Variants in HMCN1 observed in about 807,000 individuals in gnomAD.
The protein encoded by HMCN1 is hemicentin 1.
In HMCN1, 321 loss-of-function variants were observed where a neutral mutation model predicts 625.9. That is an observed-to-expected ratio of 0.51 (90% CI 0.47 to 0.56). HMCN1 has a LOEUF of 0.56. HMCN1 is among the 20% of genes least tolerant of loss of function. The probability of loss-of-function intolerance (pLI) is 0.00; values close to 1 mark genes in which losing one functional copy is unlikely to be tolerated. For synonymous variants in HMCN1, 2,425 were observed against 2,417.6 expected (o/e 1.00, Z -0.09); for missense variants, 6,588 against 6,887.3 (o/e 0.96, Z 1.54).
rs1651891255 is a variant in HMCN1, at chr1:186,166,535, A to T, written c.15439+232A>T. On this transcript the variant is annotated intron_variant, in intron 99 of 106. Transcript: ENST00000271588. ...GAATGCCTGGAGCATCTCACTCAAG[A>T]TCTCAGAAAGGAGAAGTAACTTCTT... is the stretch of plus-strand genomic sequence containing the variant. 2.6e-5 allele frequency among the ~76,000 whole-genome samples: 4 copies of T among 152,214 alleles called. No individual in the cohort carries two copies. The South Asian group carries it at 8.3e-4, about 32-fold the overall frequency.
chr1:186,172,251 C>G (rs1652280595), intron 102 of HMCN1, 120 bp downstream of exon 102: 1 of 1,354,030 alleles, frequency 7.4e-7, no homozygotes, highest in African/African-American at 1.5e-5. Flanking sequence ...CTTTCTTTTT[C>G]CATAAGTACT....
chr1:185,956,083 C>T (rs1649606360), intron 11 of HMCN1, among the ~76,000 whole-genome samples: 1 of 152,146 alleles, frequency 6.6e-6, no homozygotes, highest in Non-Finnish European at 1.5e-5. Context: ...CATTATTAAT[C>T]ATATTATATA....
At chr1:185,737,047 A>G (rs796193027) in intron 1 of HMCN1, among the ~76,000 whole-genome samples, 5 of 152,264 alleles carry the variant, frequency 3.3e-5, no homozygotes, top group African/African-American at 1.2e-4. Flanking sequence ...TAACTTTAGT[A>G]TTCACTTTAC....
chr1:185,914,383 C>A (rs1315647470), intron 6 of HMCN1, among the ~76,000 whole-genome samples: 1 of 152,086 alleles, frequency 6.6e-6, no homozygotes, highest in Non-Finnish European at 1.5e-5. Flanking sequence ...AAGGTCTGCT[C>A]TATCACTGAA....
chr1:185,810,760 G>C (rs1370414476), intron 1 of HMCN1, among the ~76,000 whole-genome samples: 1 of 151,516 alleles, frequency 6.6e-6, no homozygotes, highest in South Asian at 2.1e-4. Context: ...TAAGTGCCTG[G>C]AAAATAAAAG....
At chr1:186,182,369 A>G (rs1652991410) in intron 105 of HMCN1, 82 bp downstream of exon 105, 1 of 1,516,474 alleles carries the variant, frequency 6.6e-7, no homozygotes, top group Non-Finnish European at 9.1e-7. Flanking sequence ...TTCAATAATC[A>G]TTCTCCTAGT....
In HMCN1 at chr1:185,755,300, C is replaced by T. The variant is rs115272702; in HGVS notation, c.268+20253C>T. On this transcript the variant is annotated intron_variant, in intron 1 of 106. Transcript: ENST00000271588. ...ATATTTATACATTTTTGTTATTGCA[C>T]GGTAATATCTTTCTTAATCCAAGTG... is the stretch of plus-strand genomic sequence containing the variant. Among the ~76,000 whole-genome samples the T allele has an allele frequency of 9.1e-3, 1,385 of 152,204 alleles. 14 individuals are homozygous for T. The highest frequency in any genetic ancestry group is 0.027 in the Middle Eastern group (8 of 294).
intron 36 of HMCN1, among the ~76,000 whole-genome samples, chr1:186,037,599 T>A (rs1347056862): frequency 6.6e-6 from 1 of 152,188 alleles, no homozygotes; most frequent in Non-Finnish European, 1.5e-5. Flanking sequence ...AGTAGACTAA[T>A]TACTTCTTGG....
At chr1:185,870,647 G>A (rs1243641996) in intron 4 of HMCN1, among the ~76,000 whole-genome samples, 1 of 152,090 alleles carries the variant, frequency 6.6e-6, no homozygotes, top group African/African-American at 2.4e-5. Flanking sequence ...TATGAAATAA[G>A]CACATTATGG....
At chr1:185,772,302 C>A (rs905448846) in intron 1 of HMCN1, among the ~76,000 whole-genome samples, 2 of 152,046 alleles carry the variant, frequency 1.3e-5, no homozygotes, top group African/African-American at 4.8e-5. Flanking sequence ...AAAGATAACT[C>A]TCAAAACTGG....
At chr1:185,967,606 A>G (rs1370466539) in intron 14 of HMCN1, among the ~76,000 whole-genome samples, 2 of 152,094 alleles carry the variant, frequency 1.3e-5, no homozygotes, top group East Asian at 1.9e-4. Flanking sequence ...ATTTATGCAT[A>G]AACAGAGTAG....
chr1:186,137,475 A>G, intron 87 of HMCN1, 23 bp from the exon 88 acceptor site: 1 of 1,610,726 alleles, frequency 6.2e-7, no homozygotes, highest in African/African-American at 1.3e-5. Context: ...AAGCTTAGAC[A>G]AAGTACAATG....
chr1:186,081,126 T>C (rs1297252450), intron 55 of HMCN1, 81 bp from the exon 56 acceptor site: 24 of 1,208,648 alleles, frequency 2.0e-5, no homozygotes, highest in Non-Finnish European at 2.8e-5. Context: ...TATCCCAAAG[T>C]TTTTAAAGCT....
chr1:186,127,839 T>G (rs982302444), intron 82 of HMCN1, among the ~76,000 whole-genome samples: 1 of 152,190 alleles, frequency 6.6e-6, no homozygotes, highest in African/African-American at 2.4e-5. Context: ...TACAGTTTTC[T>G]GAAATCTTAC....
At chr1:185,999,970 C>T in intron 25 of HMCN1, 75 bp from the exon 26 acceptor site, 2 of 1,045,538 alleles carry the variant, frequency 1.9e-6, no homozygotes, top group Non-Finnish European at 2.8e-6. Flanking sequence ...AACTTTATTT[C>T]TCTTTGATAT....
chr1:186,025,458 A>G (rs1655002582), intron 36 of HMCN1, among the ~76,000 whole-genome samples: 1 of 152,204 alleles, frequency 6.6e-6, no homozygotes, highest in African/African-American at 2.4e-5. Flanking sequence ...GATCTCCTGA[A>G]ACAGCACCTC....
chr1:186,106,751 G>A (rs532127413), intron 69 of HMCN1, 133 bp from the exon 70 acceptor site: 10 of 713,024 alleles, frequency 1.4e-5, no homozygotes, highest in South Asian at 3.1e-5. Flanking sequence ...AGTGCTAATC[G>A]TAGTGTTAAA....
intron 29 of HMCN1, among the ~76,000 whole-genome samples, chr1:186,005,636 A>G (rs1285375451): frequency 6.6e-6 from 1 of 152,090 alleles, no homozygotes; most frequent in Non-Finnish European, 1.5e-5. Context: ...TCATAAATGT[A>G]AAAAACATGG....
At chr1:185,897,404 T>A (rs1455971841) in intron 4 of HMCN1, among the ~76,000 whole-genome samples, 3 of 152,164 alleles carry the variant, frequency 2.0e-5, no homozygotes, top group Admixed American at 6.5e-5. Context: ...CTTCCATAGA[T>A]CTTCAGGGTA....
Sources: gnomAD v4.1 joint callset for allele counts (sites outside exome capture counted in the v4.1 genomes callset) on GRCh38, gnomAD v4.1.1 for gene constraint, MANE v1.5 for transcripts, NCBI Gene and HGNC (gene_info 2026-07-23, HGNC 2026-07-21) for gene names.